VPS13B: variants seen among roughly 807,000 people sequenced by gnomAD.
VPS13B encodes vacuolar protein sorting 13 homolog B, also known as intermembrane lipid transfer protein VPS13B.
In VPS13B, 285 loss-of-function variants were observed where a neutral mutation model predicts 426.4. That is an observed-to-expected ratio of 0.67 (90% CI 0.61 to 0.74). The LOEUF is 0.74. Among genes scored for constraint, VPS13B ranks in the 30% least tolerant of loss-of-function variants. The probability of loss-of-function intolerance (pLI) is 0.00; values close to 1 mark genes in which losing one functional copy is unlikely to be tolerated. For synonymous variants in VPS13B, 1,676 were observed against 1,676.4 expected (o/e 1.00, Z 0.01); for missense variants, 4,537 against 4,782.6 (o/e 0.95, Z 1.51).
At chr8:99,725,285 TC>T (rs1833294095) in intron 39 of VPS13B, among the ~76,000 whole-genome samples, 1 of 152,130 alleles carries the variant, frequency 6.6e-6, no homozygotes, top group Non-Finnish European at 1.5e-5. Flanking sequence ...TACAGCAGGG[TC>T]CCCCAGCCCA....
At chr8:99,161,057 A>G (rs944390428) in intron 15 of VPS13B, among the ~76,000 whole-genome samples, 1 of 152,210 alleles carries the variant, frequency 6.6e-6, no homozygotes, top group Non-Finnish European at 1.5e-5. Flanking sequence ...GTTTTATGTT[A>G]TATGGAGAGT....
intron 35 of VPS13B, among the ~76,000 whole-genome samples, chr8:99,689,588 C>A (rs1334604941): frequency 6.6e-6 from 1 of 152,094 alleles, no homozygotes; most frequent in Non-Finnish European, 1.5e-5. Context: ...GAGGCTGAGG[C>A]GGGAGGATCA....
intron 28 of VPS13B, among the ~76,000 whole-genome samples, chr8:99,510,162 A>C (rs1821708524): frequency 6.6e-6 from 1 of 152,248 alleles, no homozygotes; most frequent in Non-Finnish European, 1.5e-5. Context: ...TTATATTGTT[A>C]CATCACATTA....
chr8:99,064,924 A>G (rs982292920), intron 3 of VPS13B, among the ~76,000 whole-genome samples: 1 of 152,246 alleles, frequency 6.6e-6, no homozygotes, highest in Non-Finnish European at 1.5e-5. Context: ...CAGAAACTCT[A>G]CAAGCCAGAA....
intron 19 of VPS13B, among the ~76,000 whole-genome samples, chr8:99,320,370 A>G (rs979756483): frequency 1.3e-5 from 2 of 152,162 alleles, no homozygotes; most frequent in Non-Finnish European, 2.9e-5. Flanking sequence ...TTGTTACACT[A>G]ATGTTTAAAA....
chr8:99,570,592 G>A (rs1220184701), intron 31 of VPS13B, among the ~76,000 whole-genome samples: 1 of 150,874 alleles, frequency 6.6e-6, no homozygotes, highest in South Asian at 2.1e-4. Flanking sequence ...AATTCTGTAT[G>A]TTTTTAGTAA....
chr8:99,570,348 A>G (rs1216887781), intron 31 of VPS13B, among the ~76,000 whole-genome samples: 1 of 151,888 alleles, frequency 6.6e-6, no homozygotes, highest in Non-Finnish European at 1.5e-5. Context: ...TCATCTCTCC[A>G]TGTCTCTTCG....
At position 99,326,452 on chromosome 8, in the gene VPS13B, C is replaced by CTTTTT. The variant is rs747097247; in HGVS notation, c.2824+51224_2824+51228dup. On this transcript the variant is annotated intron_variant, in intron 19 of 61. Coordinates refer to ENST00000357162, the MANE Select transcript of VPS13B (RefSeq NM_152564.5). ...ATTTCTATCTATCATCTCTAGGTAG[C>CTTTTT]TTTTTTTTTTTTTTTTTTTTTTTTT... Among the ~76,000 whole-genome samples the CTTTTT allele has an allele frequency of 2.6e-3, 85 of 32,524 alleles. 30 individuals are homozygous for CTTTTT. The highest frequency in any genetic ancestry group is 5.1e-3 in the South Asian group (2 of 396). The allele number at this position is 32,524 out of a possible 152,430, so 21.3% of individuals were successfully genotyped here.
chr8:99,868,160 GTAGTAAAGACC>G lies in VPS13B; in HGVS notation c.11216-127_11216-117del. ...ACTTAGATAACTGGTAAACAAATGG[GTAGTAAAGACC>G]TTTATAATGAGGGTGGGGACTCATT... On this transcript the variant is annotated intron_variant, in intron 58 of 61. Coordinates refer to ENST00000357162, the MANE Select transcript of VPS13B (RefSeq NM_152564.5). 6.4e-6 allele frequency: 7 copies of G among 1,093,728 alleles called. No individual in the cohort carries two copies. In the South Asian group the frequency reaches 8.1e-5, roughly 13 times the overall value. The allele number at this position is 1,093,728 out of a possible 1,614,324, so 67.8% of individuals were successfully genotyped here. A position where few individuals can be genotyped will look rare whatever the true frequency, so the allele number is the denominator to read the frequency against.
intron 30 of VPS13B, among the ~76,000 whole-genome samples, chr8:99,523,379 G>A (rs1822478361): frequency 6.6e-6 from 1 of 152,210 alleles, no homozygotes; most frequent in Non-Finnish European, 1.5e-5. Flanking sequence ...ACAGGCCATA[G>A]CCAGGCAGTG....
At chr8:99,162,916 G>T (rs1473669651) in intron 15 of VPS13B, among the ~76,000 whole-genome samples, 1 of 152,144 alleles carries the variant, frequency 6.6e-6, no homozygotes, top group Admixed American at 6.5e-5. Context: ...GGCCTGTTTT[G>T]TCAGGGCGCT....
intron 8 of VPS13B, among the ~76,000 whole-genome samples, chr8:99,129,216 A>C (rs1175325092): frequency 6.6e-6 from 1 of 151,978 alleles, no homozygotes. Context: ...ATTGAAATTC[A>C]CTGATTTAGC....
intron 17 of VPS13B, among the ~76,000 whole-genome samples, chr8:99,198,613 G>C (rs1234074865): frequency 6.6e-6 from 1 of 152,078 alleles, no homozygotes; most frequent in Non-Finnish European, 1.5e-5. Flanking sequence ...ACAACAGATT[G>C]TTATTTGTAA....
intron 34 of VPS13B, among the ~76,000 whole-genome samples, chr8:99,656,433 C>G (rs115757422): frequency 8.1e-4 from 123 of 152,314 alleles, no homozygotes; most frequent in African/African-American, 2.8e-3. Flanking sequence ...TCTGAAAGAG[C>G]TTCCAATATG....
intron 17 of VPS13B, among the ~76,000 whole-genome samples, chr8:99,235,982 C>A (rs1429435625): frequency 6.6e-6 from 1 of 151,916 alleles, no homozygotes. Flanking sequence ...TTAAAAACAG[C>A]TGCGTAGTAT....
intron 39 of VPS13B, among the ~76,000 whole-genome samples, chr8:99,730,786 TAGGTAC>T (rs1210721288): frequency 6.6e-6 from 1 of 151,800 alleles, no homozygotes; most frequent in African/African-American, 2.4e-5. Flanking sequence ...AGGGTACCTG[TAGGTAC>T]AGGTACAGGT....
chr8:99,516,389 A>T (rs1822072024), intron 29 of VPS13B, among the ~76,000 whole-genome samples: 1 of 152,188 alleles, frequency 6.6e-6, no homozygotes, highest in South Asian at 2.1e-4. Context: ...TTAGAAATAA[A>T]TGTCATTAAT....
intron 19 of VPS13B, among the ~76,000 whole-genome samples, chr8:99,308,424 G>A (rs1003132019): frequency 6.6e-6 from 1 of 152,044 alleles, no homozygotes; most frequent in African/African-American, 2.4e-5. Flanking sequence ...GTGAGAACAT[G>A]CGGTGTTTGG....
intron 21 of VPS13B, among the ~76,000 whole-genome samples, chr8:99,417,098 C>T (rs1197628721): frequency 6.6e-6 from 1 of 152,048 alleles, no homozygotes; most frequent in Non-Finnish European, 1.5e-5. Context: ...ACTTTTCCTT[C>T]CTTTCTGGCC....
Sources: gnomAD v4.1 joint callset for allele counts (sites outside exome capture counted in the v4.1 genomes callset) on GRCh38, gnomAD v4.1.1 for gene constraint, MANE v1.5 for transcripts, NCBI Gene and HGNC (gene_info 2026-07-23, HGNC 2026-07-21) for gene names.